Variants in LIPA observed in about 807,000 individuals in gnomAD.
The protein encoded by LIPA is lipase A, lysosomal acid type, also known as lysosomal acid lipase/cholesteryl ester hydrolase.
In LIPA, 26 loss-of-function variants were observed where a neutral mutation model predicts 40.6. The observed-to-expected ratio is 0.64, with a 90% CI of 0.47 to 0.89. The LOEUF (loss-of-function observed/expected upper bound fraction) is 0.89. Ranked by LOEUF, LIPA falls within the 40% of genes least tolerant of loss-of-function variation. The probability of loss-of-function intolerance (pLI) is 0.00; values close to 1 mark genes in which losing one functional copy is unlikely to be tolerated. For synonymous variants in LIPA, 188 were observed against 168.4 expected (o/e 1.12, Z -0.90); for missense variants, 455 against 479.6 (o/e 0.95, Z 0.48).
At chr10:89,236,882 A>C (rs1487380767) in intron 3 of LIPA, among the ~76,000 whole-genome samples, 1 of 152,232 alleles carries the variant, frequency 6.6e-6, no homozygotes, top group Non-Finnish European at 1.5e-5. Flanking sequence ...TCATTATATG[A>C]CAACTTAAAG....
chr10:89,367,740 C>T lies in LIPA; in HGVS notation c.61+45051G>A, dbSNP rs376646591. On this transcript the variant is annotated intron_variant, in intron 2 of 8. Coordinates refer to the LIPA transcript ENST00000371837. ...GAGAACTGTGACTGTGAGTTTTGAG[C>T]GTTTGTGTGTGTATTTGGGTAATTA... 3.9e-5 allele frequency among the ~76,000 whole-genome samples: 6 copies of T among 152,236 alleles called. No homozygotes were observed. The South Asian group carries it at 8.3e-4, about 21-fold the overall frequency.
At chr10:89,369,849 T>G (rs1844081821) in intron 2 of LIPA, among the ~76,000 whole-genome samples, 1 of 152,216 alleles carries the variant, frequency 6.6e-6, no homozygotes, top group African/African-American at 2.4e-5. Context: ...CCTAGTCTCC[T>G]CTGGAGCAGG....
intron 2 of LIPA, among the ~76,000 whole-genome samples, chr10:89,367,618 TC>T (rs1844065656): frequency 1.3e-5 from 2 of 152,208 alleles, no homozygotes. Context: ...ATAAATCTGA[TC>T]AGGAGAGTCT....
At chr10:89,372,480 T>C (rs962837123) in intron 2 of LIPA, among the ~76,000 whole-genome samples, 1 of 152,238 alleles carries the variant, frequency 6.6e-6, no homozygotes, top group Non-Finnish European at 1.5e-5. Flanking sequence ...AACCAATGTG[T>C]ACTGTTTTTA....
intron 2 of LIPA, among the ~76,000 whole-genome samples, chr10:89,390,094 C>T (rs1844235387): frequency 6.8e-6 from 1 of 146,266 alleles, no homozygotes. Flanking sequence ...TCAAGCGATT[C>T]TCCTGCCTCA....
At chr10:89,333,767 T>A (rs1360759736) in intron 1 of LIPA, among the ~76,000 whole-genome samples, 2 of 152,212 alleles carry the variant, frequency 1.3e-5, no homozygotes, top group Non-Finnish European at 2.9e-5. Context: ...AAAAGGGAAG[T>A]CTTCCCAGAG....
At chr10:89,297,204 T>A (rs1039135789) in intron 1 of LIPA, among the ~76,000 whole-genome samples, 2 of 152,024 alleles carry the variant, frequency 1.3e-5, no homozygotes, top group African/African-American at 4.8e-5. Flanking sequence ...TGAGAGAACT[T>A]CAGCAGTCCA....
chr10:89,312,339 G>A (rs1443085588), intron 1 of LIPA, among the ~76,000 whole-genome samples: 1 of 152,106 alleles, frequency 6.6e-6, no homozygotes, highest in Non-Finnish European at 1.5e-5. Context: ...TACTTGGGAT[G>A]CTGAGGTAGG....
At chr10:89,361,308 G>A (rs908992221) in intron 2 of LIPA, among the ~76,000 whole-genome samples, 5 of 152,164 alleles carry the variant, frequency 3.3e-5, no homozygotes, top group African/African-American at 1.2e-4. Flanking sequence ...AGAAGACCAT[G>A]CCTGACACTG....
chr10:89,327,417 G>A (rs1183642217), intron 1 of LIPA, among the ~76,000 whole-genome samples: 2 of 152,134 alleles, frequency 1.3e-5, no homozygotes, highest in Admixed American at 6.5e-5. Flanking sequence ...CGGGCATGGT[G>A]GTGGGTGCCT....
chr10:89,380,861 C>T (rs1168088888), intron 2 of LIPA, among the ~76,000 whole-genome samples: 1 of 152,156 alleles, frequency 6.6e-6, no homozygotes, highest in Non-Finnish European at 1.5e-5. Flanking sequence ...TGATATTCTA[C>T]TCCTTAGTCT....
chr10:89,247,233 A>G (rs900709479), intron 2 of LIPA, among the ~76,000 whole-genome samples: 3 of 151,822 alleles, frequency 2.0e-5, no homozygotes, highest in African/African-American at 7.3e-5. Flanking sequence ...TTAGCCAGGC[A>G]TGGTGGTGCA....
chr10:89,302,126 G>A (rs1258918725), intron 1 of LIPA: 2 of 1,613,978 alleles, frequency 1.2e-6, no homozygotes, highest in African/African-American at 1.3e-5. Flanking sequence ...CTGCAACCAT[G>A]AGGTAAATAT....
At chr10:89,349,675 G>C (rs927048841) in intron 2 of LIPA, among the ~76,000 whole-genome samples, 2 of 152,188 alleles carry the variant, frequency 1.3e-5, no homozygotes, top group African/African-American at 4.8e-5. Context: ...AGTCCAGTCT[G>C]TCAGGAGTGG....
intron 2 of LIPA, among the ~76,000 whole-genome samples, chr10:89,358,747 T>C (rs866164002): frequency 1.3e-5 from 2 of 151,348 alleles, no homozygotes; most frequent in Non-Finnish European, 2.9e-5. Context: ...ACATAGAGAG[T>C]GGAATGTTGG....
At chr10:89,221,960 G>T (rs1349360378) in intron 8 of LIPA, among the ~76,000 whole-genome samples, 1 of 152,084 alleles carries the variant, frequency 6.6e-6, no homozygotes, top group African/African-American at 2.4e-5. Context: ...GAATGAACAT[G>T]ACTTATTTAC....
At chr10:89,271,536 C>T (rs1010656502) in intron 1 of LIPA, among the ~76,000 whole-genome samples, 1 of 152,196 alleles carries the variant, frequency 6.6e-6, no homozygotes, top group African/African-American at 2.4e-5. Flanking sequence ...GTTGCTACCA[C>T]ACAGTGAGGG....
At chr10:89,410,087 A>G (rs1366821836) in intron 2 of LIPA, among the ~76,000 whole-genome samples, 1 of 152,238 alleles carries the variant, frequency 6.6e-6, no homozygotes, top group African/African-American at 2.4e-5. Flanking sequence ...GACCAGTGGC[A>G]TACCTAAGTA....
chr10:89,262,391 A>G (rs775113422), intron 1 of LIPA, among the ~76,000 whole-genome samples: 4 of 152,160 alleles, frequency 2.6e-5, no homozygotes, highest in Non-Finnish European at 4.4e-5. Flanking sequence ...TGCATTCTCC[A>G]TTCAGCACTT....
Sources: allele counts gnomAD v4.1 joint callset (sites outside exome capture counted in the v4.1 genomes callset), GRCh38; gene constraint gnomAD v4.1.1; transcripts MANE v1.5; gene names NCBI Gene and HGNC (gene_info 2026-07-23, HGNC 2026-07-21).